MYBL1: variants seen among roughly 807,000 people sequenced by gnomAD.
The protein encoded by MYBL1 is myb-related protein A.
Under a neutral mutation model 96.3 loss-of-function variants are expected in MYBL1, and 17 were observed. The observed-to-expected ratio is 0.18, with a 90% CI of 0.12 to 0.26. The LOEUF (loss-of-function observed/expected upper bound fraction) is 0.26, where lower values mean the gene tolerates loss of function less well. MYBL1 is among the 10% of genes least tolerant of loss of function. MYBL1 has a pLI of 1.00. For missense variants in MYBL1, 701 were observed against 882.9 expected (o/e 0.79, Z 2.61); for synonymous variants, 282 against 292.7 (o/e 0.96, Z 0.37).
Position 66,572,541 on chromosome 8 carries a change from T to C in MYBL1, c.1669A>G (p.Thr557Ala). ...GCAGCAAGCGCATTCTTAAAAGGAG[T>C]AGGAGTTCTTGGTGTGGTACCCAGT... is the stretch of plus-strand genomic sequence containing the variant. ...SILGTTPRTPTPFKNALAAQE... is the reference protein window; with the variant it reads ...SILGTTPRTPAPFKNALAAQE... The change falls in exon 12 of 16, where the codon ACT becomes GCT. Residue 557 changes from threonine (T) to alanine (A), a missense_variant. Around this residue, in one of 5 missense-constraint regions of MYBL1, gnomAD observed 63 missense variants for 109.2 expected, o/e 0.58. Coordinates refer to ENST00000522677, the MANE Select transcript of MYBL1 (RefSeq NM_001080416.4). 1 of 1,605,182 alleles carries C rather than the reference T, an allele frequency of 6.2e-7. No individual in the cohort carries two copies. The highest frequency in any genetic ancestry group is 1.7e-4 in the Middle Eastern group (1 of 6,020).
rs1382581007 is a variant in MYBL1 at position 66,562,664 on chromosome 8, AG to A, written c.*2032del. Reference sequence around the variant, plus strand: ...TGGTGATTGCAGACTATGTATATCCAGGTAAGGGCTACATTAAAAACAACAA... The same window carrying A: ...TGGTGATTGCAGACTATGTATATCCAGTAAGGGCTACATTAAAAACAACAA... On this transcript the variant is annotated 3_prime_UTR_variant, in exon 16 of 16. Coordinates refer to ENST00000522677, the MANE Select transcript of MYBL1 (RefSeq NM_001080416.4). 3 of 152,554 alleles carry A rather than the reference AG, an allele frequency of 2.0e-5. No homozygotes were observed. The highest frequency in any genetic ancestry group is 7.2e-5 in the African/African-American group (3 of 41,450). 9.5% of individuals were successfully genotyped at this position (152,554 alleles called of 1,614,324 possible).
intron 4 of MYBL1, among the ~76,000 whole-genome samples, chr8:66,597,975 A>G (rs1309520032): frequency 6.6e-6 from 1 of 152,062 alleles, no homozygotes; most frequent in Admixed American, 6.6e-5. Flanking sequence ...GAAAGGACAC[A>G]GATTACATAT....
chr8:66,577,482 C>CTTT (rs1809009786), intron 9 of MYBL1, among the ~76,000 whole-genome samples: 1 of 151,896 alleles, frequency 6.6e-6, no homozygotes, highest in Non-Finnish European at 1.5e-5. Flanking sequence ...TTCACAATTG[C>CTTT]TTCAAAGAGA....
intron 4 of MYBL1, among the ~76,000 whole-genome samples, chr8:66,598,516 T>G (rs1200865643): frequency 6.6e-6 from 1 of 152,200 alleles, no homozygotes; most frequent in Non-Finnish European, 1.5e-5. Context: ...GGGCATTAAC[T>G]AAAGAGTGCA....
At chr8:66,588,650 T>C (rs577212170) in intron 8 of MYBL1, among the ~76,000 whole-genome samples, 1 of 152,102 alleles carries the variant, frequency 6.6e-6, no homozygotes, top group African/African-American at 2.4e-5. Flanking sequence ...CAAGCATACA[T>C]ATAAAACATT....
intron 10 of MYBL1, among the ~76,000 whole-genome samples, chr8:66,575,668 T>C: frequency 6.6e-6 from 1 of 152,078 alleles, no homozygotes; most frequent in Non-Finnish European, 1.5e-5. Context: ...CACGCATCTA[T>C]AGTCCAGGCT....
rs1193849690 is a variant in MYBL1 at position 66,597,413 on chromosome 8, T to C, written c.429A>G (p.Thr143=). 6.2e-6 allele frequency: 10 copies of C among 1,613,032 alleles called. No individual in the cohort carries two copies. Among genetic ancestry groups the C allele is most frequent in the African/African-American group, 1.3e-5 (1 of 74,922 alleles). The part of the protein sequence containing the change: ...LNPEVKKSSW[T]EEEDRIIYEA... ...CATAGATGATCCTGTCCTCCTCTTCTGTCCAGGAAGATTTCTTTACCTCAG... is the reference window on the plus strand; with the variant it reads ...CATAGATGATCCTGTCCTCCTCTTCCGTCCAGGAAGATTTCTTTACCTCAG... The change falls in exon 5 of 16, where the codon ACA becomes ACG. Residue 143 remains threonine (T), a synonymous_variant. Transcript: ENST00000522677.
intron 2 of MYBL1, 87 bp downstream of exon 2, chr8:66,602,331 G>T: frequency 1.1e-6 from 1 of 871,390 alleles, no homozygotes; most frequent in Non-Finnish European, 1.7e-6. Context: ...GATTACAGGC[G>T]TGAGCCACCA....
At chr8:66,588,408 T>TAGCTGGGC (rs995016505) in intron 8 of MYBL1, among the ~76,000 whole-genome samples, 1 of 151,672 alleles carries the variant, frequency 6.6e-6, no homozygotes, top group Non-Finnish European at 1.5e-5. Flanking sequence ...CCTTCCCAAG[T>TAGCTGGGC]AGCTGGGACT....
intron 1 of MYBL1, among the ~76,000 whole-genome samples, chr8:66,607,272 A>G (rs1262145421): frequency 6.6e-6 from 1 of 152,178 alleles, no homozygotes; most frequent in East Asian, 1.9e-4. Context: ...GACTTCATAA[A>G]TTTCTAAGAA....
At chr8:66,607,463 T>C (rs1464685680) in intron 1 of MYBL1, among the ~76,000 whole-genome samples, 1 of 152,178 alleles carries the variant, frequency 6.6e-6, no homozygotes, top group African/African-American at 2.4e-5. Flanking sequence ...CTAAGCACAG[T>C]ACCTGCCACT....
At chr8:66,609,876 A>G (rs562170518) in intron 1 of MYBL1, among the ~76,000 whole-genome samples, 27 of 152,162 alleles carry the variant, frequency 1.8e-4, no homozygotes, top group African/African-American at 5.5e-4. Context: ...AGTTAATGAC[A>G]AAACCGATTA....
chr8:66,595,525 T>C, intron 6 of MYBL1, 58 bp downstream of exon 6: 1 of 1,114,114 alleles, frequency 9.0e-7, no homozygotes, highest in Non-Finnish European at 1.2e-6. Context: ...ACCAAACATC[T>C]TCCCATATAG....
rs568872623 is a variant in MYBL1 at position 66,582,438 on chromosome 8, C to A, written c.868-2072G>T. ...TTAAACTAAAAACTATAAAAAGAAG[C>A]TGGGCATGGTAGCACATGCCTGCAA... On this transcript the variant is annotated intron_variant, in intron 8 of 15. Coordinates refer to ENST00000522677, the MANE Select transcript of MYBL1 (RefSeq NM_001080416.4). Among the ~76,000 whole-genome samples the A allele has an allele frequency of 2.7e-5, 4 of 147,786 alleles. No individual in the cohort carries two copies. In the East Asian group the frequency reaches 7.9e-4, roughly 29 times the overall value.
In MYBL1 at chr8:66,564,143, T is replaced by G. The variant is rs531895194; in HGVS notation, c.*554A>C. On this transcript the variant is annotated 3_prime_UTR_variant, in exon 16 of 16. Coordinates refer to ENST00000522677, the MANE Select transcript of MYBL1 (RefSeq NM_001080416.4). Reference sequence around the variant, plus strand: ...CAGTACTATGCTCAAATAAATACATTTAACACTGTAGTTAATTTTACTGCT... The same window carrying G: ...CAGTACTATGCTCAAATAAATACATGTAACACTGTAGTTAATTTTACTGCT... 1 of 152,306 alleles carries G rather than the reference T, an allele frequency of 6.6e-6. No individual in the cohort carries two copies. Among genetic ancestry groups the G allele is most frequent in the Non-Finnish European group, 1.5e-5 (1 of 67,826 alleles). 9.4% of individuals were successfully genotyped at this position (152,306 alleles called of 1,614,324 possible). A position where few individuals can be genotyped will look rare whatever the true frequency, so the allele number is the denominator to read the frequency against.
At position 66,595,792 on chromosome 8, in the gene MYBL1, AG is replaced by A. The variant is rs777613386; in HGVS notation, c.513-36del. The A allele has an allele frequency of 1.6e-5, 21 of 1,352,912 alleles. No homozygotes were observed. The Admixed American group carries it at 1.8e-4, about 11-fold the overall frequency. The allele number at this position is 1,352,912 out of a possible 1,614,324, so 83.8% of individuals were successfully genotyped here. ...GAAAGGTATGATTTAAAAAGAAAAA[AG>A]GATTCCACAGATTTCAACACTGTGT... On this transcript the variant is annotated intron_variant, in intron 5 of 15. Transcript: ENST00000522677.
Position 66,573,482 on chromosome 8 carries a change from C to A in MYBL1, c.1495G>T (p.Glu499Ter). 6.2e-7 allele frequency: 1 copy of A among 1,606,990 alleles called. No homozygotes were observed. Among genetic ancestry groups the A allele is most frequent in the South Asian group, 1.1e-5 (1 of 89,136 alleles). ...GAAGGATTTTCTATATTAAGTTGTT[C>A]ATTACCAGGACATGTGTTGAAAAAC... ...SQFFNTCPGN[E>*]QLNIENPSFT... is the part of the protein sequence containing the mutation. The change falls in exon 11 of 16, where the codon GAA (glutamate) becomes TAA (stop). Residue 499 changes from glutamate to a stop codon, truncating the protein, a stop_gained. Transcript: ENST00000522677. LOFTEE classifies it high-confidence loss of function.
At chr8:66,610,107 A>T (rs932066974) in intron 1 of MYBL1, among the ~76,000 whole-genome samples, 1 of 152,054 alleles carries the variant, frequency 6.6e-6, no homozygotes, top group African/African-American at 2.4e-5. Context: ...GACATTTTTT[A>T]AAGCTTACTT....
At chr8:66,595,160 C>T (rs1809800773) in intron 6 of MYBL1, among the ~76,000 whole-genome samples, 2 of 152,114 alleles carry the variant, frequency 1.3e-5, no homozygotes, top group African/African-American at 4.8e-5. Flanking sequence ...CCAGCAAAAT[C>T]CAATTAATTA....
Sources: gnomAD v4.1 joint callset for allele counts (sites outside exome capture counted in the v4.1 genomes callset) on GRCh38, gnomAD v4.1.1 for gene constraint, gnomAD v4.1.1 regional missense constraint, MANE v1.5 for transcripts, NCBI Gene and HGNC (gene_info 2026-07-23, HGNC 2026-07-21) for gene names.